Variants in ETV6 observed in about 807,000 individuals in gnomAD.
The protein encoded by ETV6 is transcription factor ETV6.
In ETV6, 16 loss-of-function variants were observed where a neutral mutation model predicts 51.1. The observed-to-expected ratio is 0.31, with a 90% CI of 0.21 to 0.48. The LOEUF is 0.48. Ranked by LOEUF, ETV6 falls within the 20% of genes least tolerant of loss-of-function variation. The probability of loss-of-function intolerance (pLI) is 0.99; values close to 1 mark genes in which losing one functional copy is unlikely to be tolerated. For missense variants in ETV6, 458 were observed against 594.8 expected (o/e 0.77, Z 2.39); for synonymous variants, 240 against 224.1 (o/e 1.07, Z -0.64).
intron 3 of ETV6, among the ~76,000 whole-genome samples, chr12:11,847,777 TGGCTATAAAG>T (rs1400304842): frequency 6.6e-6 from 1 of 152,038 alleles, no homozygotes; most frequent in Non-Finnish European, 1.5e-5. Flanking sequence ...CTGGGAAGTT[TGGCTATAAAG>T]GGAGGAGAGA....
chr12:11,890,189 G>C lies in ETV6; in HGVS notation c.1254-752G>C, dbSNP rs572882325. On this transcript the variant is annotated intron_variant, in intron 7 of 7. Coordinates refer to ENST00000396373, the MANE Select transcript of ETV6 (RefSeq NM_001987.5). Reference sequence around the variant, plus strand: ...GCTCCACTAAGTTGTCCTATTGTCAGCATTTTTCACTTAACATTTAACTAT... The same window carrying C: ...GCTCCACTAAGTTGTCCTATTGTCACCATTTTTCACTTAACATTTAACTAT... 2.1e-5 allele frequency among the ~76,000 whole-genome samples: 3 copies of C among 145,804 alleles called. No individual in the cohort carries two copies. In the East Asian group the frequency reaches 6.0e-4, roughly 29 times the overall value.
intron 2 of ETV6, among the ~76,000 whole-genome samples, chr12:11,826,707 TG>T (rs1033606831): frequency 1.3e-4 from 20 of 152,046 alleles, no homozygotes; most frequent in Non-Finnish European, 2.9e-5. Flanking sequence ...AAATCCCAGG[TG>T]GGGTGACAGA....
chr12:11,669,453 TTTTC>T (rs1247772568), intron 1 of ETV6, among the ~76,000 whole-genome samples: 2 of 146,800 alleles, frequency 1.4e-5, no homozygotes, highest in South Asian at 2.2e-4. Context: ...CTTTTCTCTC[TTTTC>T]TTTCTTTCCT....
At chr12:11,810,002 GGA>G (rs1412136808) in intron 2 of ETV6, among the ~76,000 whole-genome samples, 2 of 151,772 alleles carry the variant, frequency 1.3e-5, no homozygotes, top group African/African-American at 4.8e-5. Context: ...TGTATTTTTA[GGA>G]GAGACAGGGT....
At chr12:11,834,256 A>C (rs1204102107) in intron 2 of ETV6, among the ~76,000 whole-genome samples, 3 of 152,308 alleles carry the variant, frequency 2.0e-5, no homozygotes, top group Middle Eastern at 3.4e-3. Flanking sequence ...ATGTTGGGAA[A>C]AGTCAGGGGA....
intron 2 of ETV6, among the ~76,000 whole-genome samples, chr12:11,833,223 T>C (rs544596676): frequency 6.6e-6 from 1 of 152,358 alleles, no homozygotes; most frequent in African/African-American, 2.4e-5. Flanking sequence ...TATTGGCCTG[T>C]GTGTTTCATA....
intron 2 of ETV6, among the ~76,000 whole-genome samples, chr12:11,833,965 G>T (rs1381606732): frequency 3.3e-5 from 5 of 152,128 alleles, no homozygotes; most frequent in Non-Finnish European, 4.4e-5. Flanking sequence ...TTCAGTAATT[G>T]CTAGCTGTTA....
chr12:11,652,907 C>T lies in ETV6; in HGVS notation c.33+2747C>T, dbSNP rs371023405. Among the ~76,000 whole-genome samples, 10 of 152,272 alleles carry T rather than the reference C, an allele frequency of 6.6e-5. No individual in the cohort carries two copies. The East Asian group carries it at 9.7e-4, about 15-fold the overall frequency. On this transcript the variant is annotated intron_variant, in intron 1 of 7. Transcript: ENST00000396373. ...TTGCACTGTGTAAGTTTGCTCCCAT[C>T]GCCTGGGGAAGTTAATATCAGACAC...
At chr12:11,771,996 T>C (rs190360899) in intron 2 of ETV6, among the ~76,000 whole-genome samples, 1 of 152,320 alleles carries the variant, frequency 6.6e-6, no homozygotes, top group African/African-American at 2.4e-5. Context: ...CATCCAATTA[T>C]ATTGAAAGCC....
chr12:11,750,675 G>C (rs1420749982), intron 1 of ETV6, among the ~76,000 whole-genome samples: 6 of 151,978 alleles, frequency 3.9e-5, no homozygotes, highest in Non-Finnish European at 8.8e-5. Flanking sequence ...TGTCAGACAA[G>C]AGTTGAAGAG....
At chr12:11,704,709 T>C (rs1025973614) in intron 1 of ETV6, among the ~76,000 whole-genome samples, 2 of 152,160 alleles carry the variant, frequency 1.3e-5, no homozygotes, top group African/African-American at 4.8e-5. Flanking sequence ...AACATGATAT[T>C]ATGGGATACA....
At chr12:11,680,113 G>A (rs1864498664) in intron 1 of ETV6, among the ~76,000 whole-genome samples, 1 of 152,216 alleles carries the variant, frequency 6.6e-6, no homozygotes, top group Non-Finnish European at 1.5e-5. Context: ...CTGAAAGGAT[G>A]CAGGTAGGGG....
intron 1 of ETV6, among the ~76,000 whole-genome samples, chr12:11,680,919 A>G (rs980367838): frequency 5.3e-5 from 8 of 152,204 alleles, no homozygotes; most frequent in Non-Finnish European, 1.0e-4. Flanking sequence ...TCTGTTCTTT[A>G]AAATCTTCTT....
chr12:11,753,976 G>A (rs1053751006), intron 2 of ETV6, among the ~76,000 whole-genome samples: 7 of 152,224 alleles, frequency 4.6e-5, no homozygotes, highest in African/African-American at 1.7e-4. Context: ...CAGGGTCATG[G>A]CTGGGAACAT....
chr12:11,774,454 T>G (rs543433187), intron 2 of ETV6, among the ~76,000 whole-genome samples: 1 of 152,304 alleles, frequency 6.6e-6, no homozygotes, highest in Non-Finnish European at 1.5e-5. Context: ...TGCCTTCATG[T>G]CATCAGTTAA....
intron 1 of ETV6, among the ~76,000 whole-genome samples, chr12:11,676,924 A>G (rs1034595639): frequency 2.0e-5 from 3 of 152,364 alleles, no homozygotes; most frequent in East Asian, 1.9e-4. Flanking sequence ...TTGCAGGACT[A>G]TTAGCAGAGG....
rs189826305 is a variant in ETV6 at position 11,763,731 on chromosome 12, C to T, written c.163+11152C>T. Reference sequence around the variant, plus strand: ...TGACGATTCCTGCCACCCCAGTGATCGGGGAAAAGAACTTGAAATACAACT... The same window carrying T: ...TGACGATTCCTGCCACCCCAGTGATTGGGGAAAAGAACTTGAAATACAACT... On this transcript the variant is annotated intron_variant, in intron 2 of 7. Transcript: ENST00000396373. Among the ~76,000 whole-genome samples the T allele has an allele frequency of 7.3e-3, 1,111 of 152,274 alleles. 10 individuals are homozygous for T. The highest frequency in any genetic ancestry group is 0.012 in the Non-Finnish European group (805 of 68,022).
intron 1 of ETV6, among the ~76,000 whole-genome samples, chr12:11,747,313 T>C (rs1865925963): frequency 6.6e-6 from 1 of 152,192 alleles, no homozygotes; most frequent in African/African-American, 2.4e-5. Context: ...GATGTTGCTT[T>C]CAGGGCAGGG....
intron 2 of ETV6, among the ~76,000 whole-genome samples, chr12:11,776,972 C>T (rs1418718078): frequency 6.6e-6 from 1 of 152,228 alleles, no homozygotes. Context: ...GGCGCAGTGG[C>T]TCACGCCTGT....
Sources: allele counts gnomAD v4.1 joint callset (sites outside exome capture counted in the v4.1 genomes callset), GRCh38; gene constraint gnomAD v4.1.1; transcripts MANE v1.5; gene names NCBI Gene and HGNC (gene_info 2026-07-23, HGNC 2026-07-21).